The following C2CD3 variants were observed in gnomAD, a reference collection of about 807,000 sequenced individuals.
C2CD3 encodes the protein C2 domain containing 3 centriole elongation regulator, also known as C2 domain-containing protein 3.
Under a neutral mutation model 234.0 loss-of-function variants are expected in C2CD3, and 148 were observed. The observed-to-expected ratio is 0.63, with a 90% CI of 0.55 to 0.72. C2CD3 has a LOEUF of 0.72. Among genes scored for constraint, C2CD3 ranks in the 30% least tolerant of loss-of-function variants. C2CD3 has a pLI of 0.00. For missense variants in C2CD3, 2,577 were observed against 2,811.5 expected, an observed-to-expected ratio of 0.92 and a Z score of 1.89; for synonymous variants, 1,000 against 1,035.4, an observed-to-expected ratio of 0.97 and a Z score of 0.66.
At chr11:74,161,615 G>T in intron 2 of C2CD3, 59 bp from the exon 3 acceptor site, 1 of 1,249,630 alleles carries the variant, frequency 8.0e-7, no homozygotes, top group East Asian at 2.5e-5. Context: ...TCTTTTTTAA[G>T]ACGTGGGTAG....
In C2CD3 at chr11:74,078,016, G is replaced by A. The variant is rs555323076; in HGVS notation, c.4603+99C>T. On this transcript the variant is annotated intron_variant, in intron 23 of 32. Transcript: ENST00000334126. ...AATACCTATCTCACAGGATTGCTGG[G>A]AGGGTCAAGTAAAGTAATGTCTGAC... is the stretch of plus-strand genomic sequence containing the variant. 563 of 1,392,162 alleles carry A rather than the reference G, an allele frequency of 4.0e-4. 3 individuals are homozygous for A. The highest frequency in any genetic ancestry group is 1.1e-4 in the Non-Finnish European group (110 of 1,031,550). The allele number at this position is 1,392,162 out of a possible 1,614,324, so 86.2% of individuals were successfully genotyped here.
At chr11:74,165,850 G>C (rs1590984659) in intron 2 of C2CD3, among the ~76,000 whole-genome samples, 1 of 151,932 alleles carries the variant, frequency 6.6e-6, no homozygotes, top group African/African-American at 2.4e-5. Flanking sequence ...GTAGAAACAG[G>C]GTCTTGCTAT....
chr11:74,076,203 T>C (rs889070575), intron 23 of C2CD3, among the ~76,000 whole-genome samples: 1 of 152,164 alleles, frequency 6.6e-6, no homozygotes, highest in African/African-American at 2.4e-5. Flanking sequence ...TGGCATTTGA[T>C]GTGCTCAAGA....
At chr11:74,019,316 T>TG (rs113020605) in intron 32 of C2CD3, among the ~76,000 whole-genome samples, 15,787 of 152,212 alleles carry the variant, frequency 0.1, 2,579 homozygotes, top group African/African-American at 0.35. Context: ...TGGGCCAGGG[T>TG]GGCGCCAGCC....
intron 7 of C2CD3, among the ~76,000 whole-genome samples, chr11:74,125,358 G>C (rs1202240475): frequency 6.6e-6 from 1 of 152,076 alleles, no homozygotes; most frequent in Non-Finnish European, 1.5e-5. Context: ...TAGAGACTGG[G>C]CCTCATTATG....
intron 22 of C2CD3, among the ~76,000 whole-genome samples, chr11:74,081,034 A>G (rs1955333444): frequency 6.6e-6 from 1 of 152,144 alleles, no homozygotes; most frequent in African/African-American, 2.4e-5. Flanking sequence ...ATACTAACTC[A>G]TAATAAAATT....
At chr11:74,152,784 C>A (rs373456796) in intron 3 of C2CD3, among the ~76,000 whole-genome samples, 1 of 152,126 alleles carries the variant, frequency 6.6e-6, no homozygotes, top group African/African-American at 2.4e-5. Flanking sequence ...ATCCAAATGA[C>A]TATCCTAACA....
In C2CD3 at chr11:74,158,717, C is replaced by T. The variant is rs529664757; in HGVS notation, c.483+2682G>A. The stretch of plus-strand genomic sequence containing the variant: ...AACCTGTACAACAAGAGCAAAACTT[C>T]GTCTCAAAAAAAAAAAGAAAGAAAA... On this transcript the variant is annotated intron_variant, in intron 3 of 32. Coordinates refer to ENST00000334126, the MANE Select transcript of C2CD3 (RefSeq NM_001286577.2). Among the ~76,000 whole-genome samples the T allele has an allele frequency of 1.1e-3, 155 of 138,874 alleles. 1 individual carries two copies. The highest frequency in any genetic ancestry group is 4.2e-3 in the African/African-American group (146 of 34,866). The allele number at this position is 138,874 out of a possible 152,430, so 91.1% of individuals were successfully genotyped here. A position where few individuals can be genotyped will look rare whatever the true frequency, so the allele number is the denominator to read the frequency against.
chr11:74,146,348 G>A (rs1024691054), intron 3 of C2CD3, among the ~76,000 whole-genome samples: 1 of 152,296 alleles, frequency 6.6e-6, no homozygotes, highest in Middle Eastern at 3.4e-3. Flanking sequence ...AAGGTGAATT[G>A]AGTGAAAATG....
intron 21 of C2CD3, 137 bp from the exon 22 acceptor site, chr11:74,085,107 C>G (rs925730828): frequency 7.5e-6 from 4 of 536,502 alleles, no homozygotes; most frequent in Admixed American, 6.5e-5. Flanking sequence ...TTATCTTGCT[C>G]TTGCTCATGC....
At position 74,155,727 on chromosome 11, in the gene C2CD3, G is replaced by C. The variant is rs188348880; in HGVS notation, c.483+5672C>G. On this transcript the variant is annotated intron_variant, in intron 3 of 32. Coordinates refer to ENST00000334126, the MANE Select transcript of C2CD3 (RefSeq NM_001286577.2). ...AGAAAGTAGGTTAGTAGTTGTCAAG[G>C]GCGGGGGCAGAGAGAAACAAGGAGT... Among the ~76,000 whole-genome samples the C allele has an allele frequency of 8.0e-3, 1,213 of 152,296 alleles. 15 individuals are homozygous for C. Among genetic ancestry groups the C allele is most frequent in the Non-Finnish European group, 7.9e-3 (537 of 68,026 alleles).
rs762729987 is a variant in C2CD3, at chr11:74,090,911, G to A, written c.3543C>T (p.Tyr1181=). ...SSGLLDVGLR[Y]RRSPRTAEGV... ...CCTCTGCTGTTCTTGGACTACGCCTGTACCTTAGGCCCACATCCAGTAAAC... is the reference window on the plus strand; with the variant it reads ...CCTCTGCTGTTCTTGGACTACGCCTATACCTTAGGCCCACATCCAGTAAAC... Residue 1181 remains tyrosine, a synonymous_variant, in exon 20 of 33, where the codon TAC becomes TAT. Transcript: ENST00000334126. 4 of 1,614,076 alleles carry A rather than the reference G, an allele frequency of 2.5e-6. No homozygotes were observed. In the South Asian group the frequency reaches 4.4e-5, roughly 18 times the overall value.
At position 74,092,467 on chromosome 11, in the gene C2CD3, G is replaced by A; in HGVS notation, c.3466C>T (p.Pro1156Ser). 6.2e-7 allele frequency: 1 copy of A among 1,613,844 alleles called. No individual in the cohort carries two copies. Among genetic ancestry groups the A allele is most frequent in the Non-Finnish European group, 8.5e-7 (1 of 1,179,774 alleles). The change falls in exon 19 of 33, where the codon CCT (proline) becomes TCT (serine). Residue 1156 changes from proline to serine, a missense_variant. Pro to Ser is a moderately conservative substitution (Grantham distance 74). Coordinates refer to ENST00000334126, the MANE Select transcript of C2CD3 (RefSeq NM_001286577.2). ...CTGTTCTCAATCCTGGGGGTTAAAG[G>A]GAGATTAAAGGTCTGTATTCCCACA... ...EDVGIQTFNL[P>S]LTPRIENRKE...
intron 15 of C2CD3, among the ~76,000 whole-genome samples, chr11:74,098,873 CTG>C (rs963444130): frequency 2.0e-5 from 3 of 152,144 alleles, no homozygotes; most frequent in African/African-American, 7.2e-5. Flanking sequence ...CACTTATTTG[CTG>C]TGTGACTCAA....
chr11:74,151,775 G>A (rs1855680038), intron 3 of C2CD3, among the ~76,000 whole-genome samples: 1 of 152,096 alleles, frequency 6.6e-6, no homozygotes, highest in Non-Finnish European at 1.5e-5. Context: ...ACCAAATGAT[G>A]GGTGATAAAA....
chr11:74,065,669 T>C (rs913784124), intron 24 of C2CD3, among the ~76,000 whole-genome samples: 2 of 152,014 alleles, frequency 1.3e-5, no homozygotes, highest in African/African-American at 4.8e-5. Context: ...AACCCACATG[T>C]CCATCAATGA....
At chr11:74,129,365 G>C (rs1021467748) in intron 7 of C2CD3, 1 of 171,490 alleles carries the variant, frequency 5.8e-6, no homozygotes, top group Non-Finnish European at 1.2e-5. Context: ...AGACGGGGCG[G>C]CTGGGCAGAG....
rs541991553 is a variant in C2CD3, at chr11:74,137,417, T to C, written c.955+1303A>G. The stretch of plus-strand genomic sequence containing the variant: ...GTCAACAAATATCTTTCCTAAAGTC[T>C]GGTGCTCAAGTCTACACAAGTGAGC... On this transcript the variant is annotated intron_variant, in intron 5 of 32. Coordinates refer to ENST00000334126, the MANE Select transcript of C2CD3 (RefSeq NM_001286577.2). Among the ~76,000 whole-genome samples the C allele has an allele frequency of 2.5e-3, 382 of 152,100 alleles. 1 individual carries two copies. The highest frequency in any genetic ancestry group is 8.9e-3 in the African/African-American group (370 of 41,510).
chr11:74,117,913 CAAA>C (rs1262165951), intron 9 of C2CD3, among the ~76,000 whole-genome samples: 5 of 65,960 alleles, frequency 7.6e-5, no homozygotes, highest in Non-Finnish European at 3.2e-5. Context: ...AACTCCGTCT[CAAA>C]AAAAAAAAAA....
Sources: allele counts gnomAD v4.1 joint callset (sites outside exome capture counted in the v4.1 genomes callset), GRCh38; gene constraint gnomAD v4.1.1; transcripts MANE v1.5; gene names NCBI Gene and HGNC (gene_info 2026-07-23, HGNC 2026-07-21).